HPSE2: variants seen among roughly 807,000 people sequenced by gnomAD.
HPSE2 encodes heparanase 2 (inactive).
A neutral mutation model predicts 60.5 loss-of-function variants in HPSE2; 38 were observed. That is an observed-to-expected ratio of 0.63 (90% CI 0.48 to 0.82). The LOEUF (loss-of-function observed/expected upper bound fraction) is 0.82, where lower values mean the gene tolerates loss of function less well. Among genes scored for constraint, HPSE2 ranks in the 40% least tolerant of loss-of-function variants. HPSE2 has a pLI of 0.00. For synonymous variants in HPSE2, 295 were observed against 293.2 expected (o/e 1.01, Z -0.06); for missense variants, 713 against 740.4 (o/e 0.96, Z 0.43).
chr10:98,557,280 C>T (rs1469088308), intron 9 of HPSE2, among the ~76,000 whole-genome samples: 3 of 152,148 alleles, frequency 2.0e-5, no homozygotes, highest in Admixed American at 1.3e-4. Context: ...ATAGACAAAC[C>T]GACCAGTGAA....
intron 3 of HPSE2, among the ~76,000 whole-genome samples, chr10:98,751,866 G>T (rs558049848): frequency 3.3e-5 from 5 of 152,188 alleles, no homozygotes; most frequent in Non-Finnish European, 7.3e-5. Flanking sequence ...AATGAGTTGT[G>T]ATAGAACTCA....
At chr10:98,463,758 CTG>C (rs1347848609) in intron 11 of HPSE2, among the ~76,000 whole-genome samples, 2 of 152,152 alleles carry the variant, frequency 1.3e-5, no homozygotes, top group African/African-American at 4.8e-5. Flanking sequence ...TAAGCTGAGA[CTG>C]TGCCACTACA....
intron 3 of HPSE2, among the ~76,000 whole-genome samples, chr10:99,049,339 G>C (rs1957936097): frequency 6.6e-6 from 1 of 151,808 alleles, no homozygotes; most frequent in Non-Finnish European, 1.5e-5. Context: ...AAAGAGAAAG[G>C]GAACAGAAAA....
At chr10:98,613,521 C>T (rs1029012581) in intron 9 of HPSE2, among the ~76,000 whole-genome samples, 1 of 152,194 alleles carries the variant, frequency 6.6e-6, no homozygotes, top group Admixed American at 6.5e-5. Flanking sequence ...GCTGTGGGTG[C>T]TGAGCTGTTC....
intron 9 of HPSE2, among the ~76,000 whole-genome samples, chr10:98,586,576 T>A (rs1336212979): frequency 6.6e-6 from 1 of 152,158 alleles, no homozygotes; most frequent in Non-Finnish European, 1.5e-5. Context: ...AAACAAATAC[T>A]CTGGAAAAAA....
chr10:99,306,494 AC>A, the HPSE2 span, among the ~76,000 whole-genome samples: 1 of 39,566 alleles, frequency 2.5e-5, no homozygotes, highest in Non-Finnish European at 5.5e-5. Flanking sequence ...CTGCCCTGTT[AC>A]CCCCCAAAAA....
chr10:98,733,656 G>A (rs1221099269), intron 4 of HPSE2, among the ~76,000 whole-genome samples: 1 of 151,812 alleles, frequency 6.6e-6, no homozygotes, highest in Non-Finnish European at 1.5e-5. Flanking sequence ...AGTATTTTGA[G>A]GTCCAAATAG....
rs563370341 is a variant in HPSE2, at chr10:98,895,893, C to A, written c.611-151837G>T. On this transcript the variant is annotated intron_variant, in intron 3 of 11. Coordinates refer to ENST00000370552, the MANE Select transcript of HPSE2 (RefSeq NM_021828.5). Reference sequence around the variant, plus strand: ...AGATGGGAATTGAACAATGAGAACACATGGACACAGGAAGGGGAACATCAC... The same window carrying A: ...AGATGGGAATTGAACAATGAGAACAAATGGACACAGGAAGGGGAACATCAC... Among the ~76,000 whole-genome samples, 12 of 127,916 alleles carry A rather than the reference C, an allele frequency of 9.4e-5. No individual in the cohort carries two copies. In the East Asian group the frequency reaches 2.6e-3, roughly 27 times the overall value. The allele number at this position is 127,916 out of a possible 152,430, so 83.9% of individuals were successfully genotyped here.
chr10:98,887,053 T>C (rs1953185267), intron 3 of HPSE2, among the ~76,000 whole-genome samples: 1 of 152,114 alleles, frequency 6.6e-6, no homozygotes, highest in South Asian at 2.1e-4. Context: ...TCAGAAGCTG[T>C]CACAAAAAGT....
chr10:98,544,785 C>T (rs547110545), intron 9 of HPSE2, among the ~76,000 whole-genome samples: 186 of 145,426 alleles, frequency 1.3e-3, no homozygotes, highest in Non-Finnish European at 1.3e-3. Flanking sequence ...GCTAGCAGAA[C>T]GCAAGAAATA....
intron 6 of HPSE2, among the ~76,000 whole-genome samples, chr10:98,668,051 T>C (rs1947414213): frequency 6.6e-6 from 1 of 152,168 alleles, no homozygotes. Context: ...CTGGAACTGA[T>C]AATTGATCTC....
At chr10:99,213,221 A>G (rs750497047) in intron 2 of HPSE2, among the ~76,000 whole-genome samples, 1 of 152,182 alleles carries the variant, frequency 6.6e-6, no homozygotes, top group Non-Finnish European at 1.5e-5. Flanking sequence ...TAAGACTTCT[A>G]AGGTAAGTCC....
At chr10:98,659,891 A>C (rs1278288482) in intron 6 of HPSE2, among the ~76,000 whole-genome samples, 7 of 152,256 alleles carry the variant, frequency 4.6e-5, no homozygotes, top group Non-Finnish European at 1.5e-5. Flanking sequence ...AGGAAAGCTG[A>C]TAATAGATGC....
intron 1 of HPSE2, among the ~76,000 whole-genome samples, chr10:99,233,170 C>G (rs1240935000): frequency 6.6e-6 from 1 of 151,964 alleles, no homozygotes; most frequent in East Asian, 1.9e-4. Context: ...GGTAAACCCT[C>G]GCCTTTCCAA....
intron 3 of HPSE2, among the ~76,000 whole-genome samples, chr10:99,026,657 C>T (rs1243827940): frequency 6.6e-6 from 1 of 152,128 alleles, no homozygotes; most frequent in Admixed American, 6.6e-5. Flanking sequence ...TATTCAACAG[C>T]TGCAGAATAC....
chr10:99,003,045 A>C (rs1161454364), intron 3 of HPSE2, among the ~76,000 whole-genome samples: 1 of 151,994 alleles, frequency 6.6e-6, no homozygotes, highest in Non-Finnish European at 1.5e-5. Flanking sequence ...GGTAACCACC[A>C]CTCTACCCTC....
At chr10:98,912,746 A>G (rs370260701) in intron 3 of HPSE2, among the ~76,000 whole-genome samples, 16 of 152,284 alleles carry the variant, frequency 1.1e-4, no homozygotes, top group African/African-American at 3.6e-4. Flanking sequence ...TTGAACTCTC[A>G]GAGATAGAGA....
At chr10:99,216,188 C>CTTTTTTTTTTTTTTTTTTTTTTTTT (rs550046406) in intron 2 of HPSE2, among the ~76,000 whole-genome samples, 5 of 97,676 alleles carry the variant, frequency 5.1e-5, no homozygotes, top group Non-Finnish European at 5.6e-5. Context: ...ATAACCTAAA[C>CTTTTTTTTTTTTTTTTTTTTTTTTT]TTTTTTTTTT....
rs894811700 is a variant in HPSE2, at chr10:98,582,942, A to G, written c.1320+31962T>C. Among the ~76,000 whole-genome samples, 5 of 152,180 alleles carry G rather than the reference A, an allele frequency of 3.3e-5. No homozygotes were observed. In the South Asian group the frequency reaches 8.3e-4, roughly 25 times the overall value. On this transcript the variant is annotated intron_variant, in intron 9 of 11. Transcript: ENST00000370552. The stretch of plus-strand genomic sequence containing the variant: ...ACCCCCAACCGTTTTCTCCTCTGCA[A>G]TCCCTGGCCCCAGGTAATCACTTAT...
Sources: gnomAD v4.1 joint callset for allele counts (sites outside exome capture counted in the v4.1 genomes callset) on GRCh38, gnomAD v4.1.1 for gene constraint, MANE v1.5 for transcripts, NCBI Gene and HGNC (gene_info 2026-07-23, HGNC 2026-07-21) for gene names.